The following POU2F2 variants were observed in gnomAD, a reference collection of about 807,000 sequenced individuals.
The protein encoded by POU2F2 is POU class 2 homeobox 2.
Under a neutral mutation model 63.5 loss-of-function variants are expected in POU2F2, and 14 were observed. The ratio of observed to expected loss-of-function variants is 0.22; its 90% CI spans 0.15 to 0.34. The LOEUF (loss-of-function observed/expected upper bound fraction) is 0.34. POU2F2 is among the 10% of genes least tolerant of loss of function. The pLI, the probability that POU2F2 is intolerant of heterozygous loss-of-function variation, is 1.00. For missense variants in POU2F2, 607 were observed against 815.2 expected (o/e 0.74, Z 3.11); for synonymous variants, 306 against 348.6 (o/e 0.88, Z 1.36).
intron 5 of POU2F2, among the ~76,000 whole-genome samples, chr19:42,108,733 G>A (rs1233251225): frequency 1.3e-5 from 2 of 152,226 alleles, no homozygotes; most frequent in Non-Finnish European, 2.9e-5. Flanking sequence ...TTGAGGGCGT[G>A]TTACGTCCGA....
rs1017958675 is a variant in POU2F2, at chr19:42,088,577, C to T, written c.*2680G>A. ...ATCTCCACCATGCCTTCCATGCTGCCTGTCTTCTCGGAGGGGGTTTTTGGT... is the reference window on the plus strand; with the variant it reads ...ATCTCCACCATGCCTTCCATGCTGCTTGTCTTCTCGGAGGGGGTTTTTGGT... On this transcript the variant is annotated 3_prime_UTR_variant, in exon 15 of 15. Coordinates refer to ENST00000692977, the MANE Select transcript of POU2F2 (RefSeq NM_001394376.1). The T allele has an allele frequency of 2.0e-5, 3 of 150,732 alleles. No individual in the cohort carries two copies. The East Asian group carries it at 5.9e-4, about 29-fold the overall frequency. The allele number at this position is 150,732 out of a possible 1,614,324, so 9.3% of individuals were successfully genotyped here. A position where few individuals can be genotyped will look rare whatever the true frequency, so the allele number is the denominator to read the frequency against.
At chr19:42,150,451 A>C (rs2034320596) in intron 2 of POU2F2, among the ~76,000 whole-genome samples, 2 of 150,686 alleles carry the variant, frequency 1.3e-5, no homozygotes, top group South Asian at 2.1e-4. Context: ...GTGGTGAGGA[A>C]GCAGGTTCGG....
chr19:42,171,719 G>T (rs539940961), intron 1 of POU2F2, among the ~76,000 whole-genome samples: 3 of 152,180 alleles, frequency 2.0e-5, no homozygotes, highest in Admixed American at 6.5e-5. Flanking sequence ...CACCCCGGGT[G>T]GGGGAGGGTC....
intron 14 of POU2F2, 117 bp from the exon 15 acceptor site, chr19:42,091,708 C>T (rs1040337964): frequency 6.4e-7 from 1 of 1,551,370 alleles, no homozygotes; most frequent in Non-Finnish European, 8.7e-7. Flanking sequence ...TGACCCCCAT[C>T]AGCACCCCTC....
chr19:42,096,180 C>T lies in POU2F2; in HGVS notation c.631G>A (p.Glu211Lys). ...GGCTCCTCGGGGTGGGATGGTGGCT[C>T]CAAGCATTTGGGGGGCTGCGGGTGC... is the stretch of plus-strand genomic sequence containing the variant. ...LSHPQPPKCL[E>K]PPSHPEEPSD... Residue 211 changes from glutamate to lysine, a missense_variant, in exon 8 of 15, where the codon GAG becomes AAG. Transcript: ENST00000692977. This position sits in a 1 kb window ranked among gnomAD's most constrained non-coding sequence, Gnocchi z 4.1. 3 of 1,613,462 alleles carry T rather than the reference C, an allele frequency of 1.9e-6. No homozygotes were observed. The Middle Eastern group carries it at 5.0e-4, about 267-fold the overall frequency.
intron 1 of POU2F2, among the ~76,000 whole-genome samples, chr19:42,189,944 T>C (rs950689660): frequency 1.2e-4 from 18 of 152,280 alleles, no homozygotes; most frequent in Admixed American, 2.6e-4. Flanking sequence ...CCCATTCTGG[T>C]CTTGAACTCT....
chr19:42,178,181 A>G (rs749722711), upstream of POU2F2, among the ~76,000 whole-genome samples: 7 of 152,022 alleles, frequency 4.6e-5, no homozygotes, highest in Non-Finnish European at 8.8e-5. Flanking sequence ...ATGGGGACAT[A>G]AAGGGGCACC....
intron 1 of POU2F2, among the ~76,000 whole-genome samples, chr19:42,171,867 C>T (rs193113236): frequency 6.6e-6 from 1 of 151,308 alleles, no homozygotes; most frequent in African/African-American, 2.4e-5. Flanking sequence ...ATAAAGGTCC[C>T]TGTGTGTGTG....
intron 1 of POU2F2, among the ~76,000 whole-genome samples, chr19:42,163,750 G>C (rs58116217): frequency 6.6e-6 from 1 of 152,164 alleles, no homozygotes. Flanking sequence ...GTCTTCATTT[G>C]TAAACTGGGG....
At position 42,126,045 on chromosome 19, in the gene POU2F2, T is replaced by C. The variant is rs139916946; in HGVS notation, c.29-3469A>G. On this transcript the variant is annotated intron_variant, in intron 1 of 14. Coordinates refer to ENST00000692977, the MANE Select transcript of POU2F2 (RefSeq NM_001394376.1). ...ATTCATACACGGAAGTCCTAATTCC[T>C]GATACCTCAAAATGTAATTGTATTT... is the stretch of plus-strand genomic sequence containing the variant. Among the ~76,000 whole-genome samples, 13 of 152,340 alleles carry C rather than the reference T, an allele frequency of 8.5e-5. No individual in the cohort carries two copies. The East Asian group carries it at 2.3e-3, about 27-fold the overall frequency.
upstream of POU2F2, among the ~76,000 whole-genome samples, chr19:42,180,135 C>CTGTGTGGGCA: frequency 6.6e-6 from 1 of 152,104 alleles, no homozygotes; most frequent in South Asian, 2.1e-4. Context: ...TAGCCACCTA[C>CTGTGTGGGCA]CAACCAGCCT....
chr19:42,091,800 A>G (rs1419612513), intron 14 of POU2F2, 67 bp downstream of exon 14: 4 of 1,544,072 alleles, frequency 2.6e-6, no homozygotes, highest in East Asian at 2.4e-5. Flanking sequence ...TGGAGCAGCA[A>G]TGGCAGGGCT....
chr19:42,167,322 C>T (rs529913246), intron 1 of POU2F2, among the ~76,000 whole-genome samples: 4 of 152,158 alleles, frequency 2.6e-5, no homozygotes, highest in African/African-American at 4.8e-5. Context: ...GGCATGGTGG[C>T]GTGCGCCTGT....
chr19:42,186,782 G>A (rs1380219079), intron 1 of POU2F2, among the ~76,000 whole-genome samples: 2 of 152,170 alleles, frequency 1.3e-5, no homozygotes, highest in African/African-American at 4.8e-5. Flanking sequence ...GTTTGGATAT[G>A]AGCGTCAGGG....
At chr19:42,167,542 A>T (rs1463273143) in intron 1 of POU2F2, among the ~76,000 whole-genome samples, 2 of 152,192 alleles carry the variant, frequency 1.3e-5, no homozygotes, top group Non-Finnish European at 2.9e-5. Flanking sequence ...CTTTCCTGGC[A>T]AAGGAAACAG....
intron 2 of POU2F2, among the ~76,000 whole-genome samples, chr19:42,154,588 G>A (rs965256430): frequency 1.3e-5 from 2 of 152,028 alleles, no homozygotes; most frequent in Non-Finnish European, 2.9e-5. Context: ...CTAGAAAGGG[G>A]GCAATGCACA....
In POU2F2 at chr19:42,095,966, G is replaced by GTGGGGCCTTCCGGCAC. The variant is rs750502526; in HGVS notation, c.730-53_730-38dup. On this transcript the variant is annotated intron_variant, in intron 8 of 14. Coordinates refer to ENST00000692977, the MANE Select transcript of POU2F2 (RefSeq NM_001394376.1). This position sits in a 1 kb window ranked among gnomAD's most constrained non-coding sequence, Gnocchi z 7.1. The stretch of plus-strand genomic sequence containing the variant: ...GGGCGGGGAAGGGCCCGAAGTCAGG[G>GTGGGGCCTTCCGGCAC]TGGGGCCTTCCGGCACTGGGCCCGC... 3 of 1,606,918 alleles carry GTGGGGCCTTCCGGCAC rather than the reference G, an allele frequency of 1.9e-6. No homozygotes were observed. The Admixed American group carries it at 5.0e-5, about 27-fold the overall frequency.
upstream of POU2F2, among the ~76,000 whole-genome samples, chr19:42,177,666 G>A (rs1207895314): frequency 1.3e-5 from 2 of 148,956 alleles, no homozygotes; most frequent in African/African-American, 2.5e-5. Context: ...AGAGACACAC[G>A]GACACACAGA....
intron 1 of POU2F2, among the ~76,000 whole-genome samples, 199 bp downstream of exon 1, chr19:42,132,185 G>A (rs776689493): frequency 3.9e-5 from 6 of 152,196 alleles, no homozygotes; most frequent in Non-Finnish European, 7.3e-5. Flanking sequence ...TGGAAGTTCC[G>A]GTGCCTGATG....
Sources: gnomAD v4.1 joint callset for allele counts (sites outside exome capture counted in the v4.1 genomes callset) on GRCh38, gnomAD v4.1.1 for gene constraint, Gnocchi (gnomAD v3.1) non-coding constraint, MANE v1.5 for transcripts, NCBI Gene and HGNC (gene_info 2026-07-23, HGNC 2026-07-21) for gene names.